The following CTBP2 variants were observed in gnomAD, a reference collection of about 807,000 sequenced individuals.
CTBP2 encodes the protein C-terminal-binding protein 2.
CTBP2 carries 30 observed loss-of-function variants against 80.3 expected under a neutral mutation model. The observed-to-expected ratio is 0.37, with a 90% CI of 0.28 to 0.51. The LOEUF (loss-of-function observed/expected upper bound fraction) is 0.51. CTBP2 is among the 20% of genes least tolerant of loss of function. The pLI, the probability that CTBP2 is intolerant of heterozygous loss-of-function variation, is 0.93. For missense variants in CTBP2, 1,212 were observed against 1,375.3 expected (o/e 0.88, Z 1.88); for synonymous variants, 594 against 587.4 (o/e 1.01, Z -0.16).
intron 2 of CTBP2, among the ~76,000 whole-genome samples, chr10:125,043,587 G>A (rs1960441773): frequency 6.6e-6 from 1 of 152,018 alleles, no homozygotes; most frequent in Non-Finnish European, 1.5e-5. Flanking sequence ...TACAAGTGCC[G>A]CCACCACGCC....
intron 2 of CTBP2, among the ~76,000 whole-genome samples, chr10:125,104,500 A>G (rs1278253695): frequency 1.3e-5 from 2 of 152,212 alleles, no homozygotes; most frequent in African/African-American, 4.8e-5. Flanking sequence ...ACATTATGAA[A>G]TATGTATAAA....
intron 1 of CTBP2, among the ~76,000 whole-genome samples, chr10:125,017,758 G>A (rs1956636002): frequency 6.6e-6 from 1 of 152,252 alleles, no homozygotes; most frequent in African/African-American, 2.4e-5. Context: ...ATGGTCTTGA[G>A]GGCAGCAGCT....
intron 1 of CTBP2, among the ~76,000 whole-genome samples, chr10:125,024,199 C>T (rs761469683): frequency 2.0e-5 from 3 of 152,172 alleles, no homozygotes; most frequent in Non-Finnish European, 4.4e-5. Flanking sequence ...ACAGCTGAAG[C>T]GCTACCAGGG....
chr10:125,001,700 G>A (rs1000739948), intron 3 of CTBP2, among the ~76,000 whole-genome samples: 4 of 152,154 alleles, frequency 2.6e-5, no homozygotes, highest in African/African-American at 7.2e-5. Context: ...ACCCCACTGC[G>A]TCCTGACCCC....
chr10:125,148,564 C>T (rs1245464453), intron 1 of CTBP2, among the ~76,000 whole-genome samples: 1 of 152,218 alleles, frequency 6.6e-6, no homozygotes, highest in Non-Finnish European at 1.5e-5. Context: ...TCTAAGCTCT[C>T]GGGCCTGACT....
chr10:125,105,988 C>A (rs994941903), intron 2 of CTBP2, among the ~76,000 whole-genome samples: 3 of 152,234 alleles, frequency 2.0e-5, no homozygotes, highest in Non-Finnish European at 4.4e-5. Context: ...CTCCTTCCCA[C>A]TCTTCTTGCC....
chr10:125,017,828 T>G (rs914077743), intron 1 of CTBP2, among the ~76,000 whole-genome samples: 1 of 152,116 alleles, frequency 6.6e-6, no homozygotes, highest in Non-Finnish European at 1.5e-5. Context: ...GAGCTTGCCA[T>G]GCACACAGCT....
chr10:125,143,388 G>T (rs772927712), intron 1 of CTBP2, among the ~76,000 whole-genome samples: 1 of 152,204 alleles, frequency 6.6e-6, no homozygotes, highest in East Asian at 1.9e-4. Context: ...TGAGAAAGGA[G>T]AACTGCTTGA....
rs537440158 is a variant in CTBP2, at chr10:125,004,695, G to A, written c.1679-1203C>T. On this transcript the variant is annotated intron_variant, in intron 1 of 8. Coordinates refer to ENST00000309035, the MANE Select transcript of CTBP2 (RefSeq NM_022802.3). Reference sequence around the variant, plus strand: ...AGATATCCAGATCAACCCTGACGGCGGCCTTACATCCCCATCCCCTCCCTC... The same window carrying A: ...AGATATCCAGATCAACCCTGACGGCAGCCTTACATCCCCATCCCCTCCCTC... Among the ~76,000 whole-genome samples the A allele has an allele frequency of 8.5e-5, 13 of 152,246 alleles. No homozygotes were observed. The South Asian group carries it at 1.5e-3, about 17-fold the overall frequency.
chr10:125,083,399 T>C (rs1847475197), intron 2 of CTBP2, among the ~76,000 whole-genome samples: 1 of 152,114 alleles, frequency 6.6e-6, no homozygotes, highest in Non-Finnish European at 1.5e-5. Flanking sequence ...GCTGAGCCTC[T>C]GAGTTCCCAG....
At chr10:124,991,837 A>G (rs1952665295) in intron 8 of CTBP2, among the ~76,000 whole-genome samples, 3 of 136,164 alleles carry the variant, frequency 2.2e-5, no homozygotes, top group Admixed American at 1.7e-4. Context: ...CAAGGCTGCA[A>G]CTTCATTCAT....
At chr10:125,148,543 C>T (rs1029901411) in intron 1 of CTBP2, among the ~76,000 whole-genome samples, 4 of 152,178 alleles carry the variant, frequency 2.6e-5, no homozygotes, top group East Asian at 1.9e-4. Flanking sequence ...AAGTAACATA[C>T]GGGATTTGCT....
intron 1 of CTBP2, among the ~76,000 whole-genome samples, chr10:125,131,201 G>A (rs1170380663): frequency 3.9e-5 from 6 of 152,348 alleles, no homozygotes; most frequent in South Asian, 2.1e-4. Context: ...GCGGGATTCA[G>A]AACGTAGCAG....
intron 2 of CTBP2, among the ~76,000 whole-genome samples, chr10:125,051,998 CA>C (rs1164649192): frequency 3.9e-5 from 6 of 152,240 alleles, no homozygotes; most frequent in African/African-American, 1.4e-4. Flanking sequence ...TGCCTTATCT[CA>C]GACTTCCAGC....
At chr10:125,145,960 G>C (rs1377837971) in intron 1 of CTBP2, among the ~76,000 whole-genome samples, 1 of 149,310 alleles carries the variant, frequency 6.7e-6, no homozygotes, top group Non-Finnish European at 1.5e-5. Flanking sequence ...TTTTGCTTTT[G>C]TTGCCCACGC....
At chr10:125,017,869 G>A (rs888494365) in intron 1 of CTBP2, among the ~76,000 whole-genome samples, 2 of 152,168 alleles carry the variant, frequency 1.3e-5, no homozygotes, top group African/African-American at 4.8e-5. Flanking sequence ...GAGCCGTGGG[G>A]GGCAGGTAGG....
rs1200878871 is a variant in CTBP2, at chr10:124,988,186, GTAAT to G, written c.*1328_*1331del. 4 of 152,580 alleles carry G rather than the reference GTAAT, an allele frequency of 2.6e-5. No individual in the cohort carries two copies. The highest frequency in any genetic ancestry group is 9.7e-5 in the African/African-American group (4 of 41,430). 9.5% of individuals were successfully genotyped at this position (152,580 alleles called of 1,614,324 possible). A position where few individuals can be genotyped will look rare whatever the true frequency, so the allele number is the denominator to read the frequency against. On this transcript the variant is annotated 3_prime_UTR_variant, in exon 9 of 9. Coordinates refer to ENST00000309035, the MANE Select transcript of CTBP2 (RefSeq NM_022802.3). Reference sequence around the variant, plus strand: ...TCAATTAAACTTTTTGTTATCACAGGTAATTAATTGTCAGCGGTCTTGAGTCTGG... The same window carrying G: ...TCAATTAAACTTTTTGTTATCACAGGTAATTGTCAGCGGTCTTGAGTCTGG...
At chr10:125,125,315 A>C (rs958226624) in intron 1 of CTBP2, among the ~76,000 whole-genome samples, 1 of 152,180 alleles carries the variant, frequency 6.6e-6, no homozygotes, top group Non-Finnish European at 1.5e-5. Flanking sequence ...GCTATATTTA[A>C]ACACAGAGCT....
At chr10:125,021,415 A>T (rs1044853382) in intron 1 of CTBP2, among the ~76,000 whole-genome samples, 2 of 152,194 alleles carry the variant, frequency 1.3e-5, no homozygotes, top group South Asian at 2.1e-4. Context: ...CCTGGGCTGA[A>T]ATCATATTCC....
Sources: gnomAD v4.1 joint callset for allele counts (sites outside exome capture counted in the v4.1 genomes callset) on GRCh38, gnomAD v4.1.1 for gene constraint, MANE v1.5 for transcripts, NCBI Gene and HGNC (gene_info 2026-07-23, HGNC 2026-07-21) for gene names.